The following TMEM200C variants were observed in gnomAD, a reference collection of about 807,000 sequenced individuals.
The protein encoded by TMEM200C is transmembrane protein TTMA.
For synonymous variants in TMEM200C, 462 were observed against 324.7 expected, an observed-to-expected ratio of 1.42 and a Z score of -4.55; for missense variants, 966 against 699.9, an observed-to-expected ratio of 1.38 and a Z score of -4.29.
Position 5,890,617 on chromosome 18 carries a change from A to C in TMEM200C, c.1447T>G (p.Ser483Ala), listed in dbSNP as rs1353028044. 2.9e-6 allele frequency: 3 copies of C among 1,030,554 alleles called. No individual in the cohort carries two copies. In the African/African-American group the frequency reaches 5.0e-5, roughly 17 times the overall value. The allele number at this position is 1,030,554 out of a possible 1,614,324, so 63.8% of individuals were successfully genotyped here. A position where few individuals can be genotyped will look rare whatever the true frequency, so the allele number is the denominator to read the frequency against. ...CCCGGGGAGGGCGGGGGCTCGGGGG[A>C]CGGCGGCGCCCGGTAGTCCGGGAGC... Residue 483 changes from serine to alanine, a missense_variant, in exon 3 of 3, where the codon TCC becomes GCC. Physicochemically the swap from Ser to Ala is moderately conservative, Grantham distance 99 (BLOSUM62 1). Transcript: ENST00000581347.
Position 5,894,724 on chromosome 18 carries a change from G to A in TMEM200C, c.-95+306C>T, listed in dbSNP as rs532107807. 2.2e-4 allele frequency among the ~76,000 whole-genome samples: 34 copies of A among 152,322 alleles called. No individual in the cohort carries two copies. In the East Asian group the frequency reaches 6.2e-3, roughly 28 times the overall value. ...TCGACCCCGGCCCCTCACTGGCAGGGCGGCGACCCCCTGGCCCCTGGCTTT... is the reference window on the plus strand; with the variant it reads ...TCGACCCCGGCCCCTCACTGGCAGGACGGCGACCCCCTGGCCCCTGGCTTT... On this transcript the variant is annotated intron_variant, in intron 2 of 2. Coordinates refer to ENST00000581347, the Ensembl canonical transcript of TMEM200C.
At position 5,891,142 on chromosome 18, in the gene TMEM200C, A is replaced by T; in HGVS notation, c.922T>A (p.Ser308Thr). ...GGGGGCTCCCGCGGACAGCGCGGGG[A>T]AGAGGCCAGGTCCGGCGGGGACGCG... The change falls in exon 3 of 3, where the codon TCC becomes ACC. Residue 308 changes from serine to threonine, a missense_variant. Transcript: ENST00000581347. The surrounding 1 kb of genome is among the most constrained non-coding windows in gnomAD (Gnocchi z 4.7). The T allele has an allele frequency of 2.0e-6, 1 of 501,528 alleles. No individual in the cohort carries two copies. Among genetic ancestry groups the T allele is most frequent in the Non-Finnish European group, 3.2e-6 (1 of 309,412 alleles). 31.1% of individuals were successfully genotyped at this position (501,528 alleles called of 1,614,324 possible). A position where few individuals can be genotyped will look rare whatever the true frequency, so the allele number is the denominator to read the frequency against.
At chr18:5,895,649 G>T (rs1197339866) in intron 1 of TMEM200C, among the ~76,000 whole-genome samples, 127 bp from the exon 1 acceptor site, 6 of 141,260 alleles carry the variant, frequency 4.2e-5, no homozygotes, top group Non-Finnish European at 7.7e-5. Flanking sequence ...GTCCTCCGCC[G>T]CCCGCCGCCC....
In TMEM200C at chr18:5,891,357, G is replaced by T. The variant is rs1194355088; in HGVS notation, c.707C>A (p.Ala236Asp). The T allele has an allele frequency of 1.5e-6, 2 of 1,339,146 alleles. No homozygotes were observed. The highest frequency in any genetic ancestry group is 1.9e-6 in the Non-Finnish European group (2 of 1,048,966). 83.0% of individuals were successfully genotyped at this position (1,339,146 alleles called of 1,614,324 possible). ...GGCCCCGGGGGGCGCCGCGGCGGGG[G>T]CAGACGACGACGAAGAGGCGGCGGC... Residue 236 changes from alanine (A) to aspartate (D), a missense_variant, in exon 3 of 3, where the codon GCC becomes GAC. Transcript: ENST00000581347. The surrounding 1 kb of genome is among the most constrained non-coding windows in gnomAD (Gnocchi z 4.7).
At chr18:5,890,992 G>A (rs1384823069) in exon 3 of TMEM200C, 3 of 651,548 alleles carry the variant, frequency 4.6e-6, no homozygotes, top group South Asian at 3.2e-5. Flanking sequence ...CTCTCGGGTG[G>A]GCTGCAGGGC....
At position 5,891,538 on chromosome 18, in the gene TMEM200C, C is replaced by A. The variant is rs1205539616; in HGVS notation, c.526G>T (p.Gly176Cys). The change falls in exon 3 of 3, where the codon GGC becomes TGC. Residue 176 changes from glycine (G) to cysteine (C), a missense_variant. Coordinates refer to ENST00000581347, the Ensembl canonical transcript of TMEM200C. The surrounding 1 kb of genome is among the most constrained non-coding windows in gnomAD (Gnocchi z 4.7). The stretch of plus-strand genomic sequence containing the variant: ...TTTGCGCAGATGAAGAGGAAGATGC[C>A]GATGCCCATGATGAGGGGCCCGAAG... 7.4e-6 allele frequency: 12 copies of A among 1,613,392 alleles called. No homozygotes were observed. Among genetic ancestry groups the A allele is most frequent in the Non-Finnish European group, 1.0e-5 (12 of 1,179,742 alleles).
At position 5,891,147 on chromosome 18, in the gene TMEM200C, G is replaced by A. The variant is rs2095170418; in HGVS notation, c.917C>T (p.Ala306Val). The change falls in exon 3 of 3, where the codon GCC becomes GTC. Residue 306 changes from alanine (A) to valine (V), a missense_variant. Coordinates refer to ENST00000581347, the Ensembl canonical transcript of TMEM200C. This position sits in a 1 kb window ranked among gnomAD's most constrained non-coding sequence, Gnocchi z 4.7. ...CTCCCGCGGACAGCGCGGGGAAGAG[G>A]CCAGGTCCGGCGGGGACGCGGCGCC... The A allele has an allele frequency of 2.0e-6, 1 of 499,768 alleles. No homozygotes were observed. The highest frequency in any genetic ancestry group is 5.6e-4 in the Middle Eastern group (1 of 1,784). 31.0% of individuals were successfully genotyped at this position (499,768 alleles called of 1,614,324 possible). A position where few individuals can be genotyped will look rare whatever the true frequency, so the allele number is the denominator to read the frequency against.
chr18:5,886,791 C>T (rs1035520397), exon 3 of TMEM200C: 1 of 148,264 alleles, frequency 6.7e-6, no homozygotes, highest in East Asian at 1.9e-4. Flanking sequence ...TGTTATATAA[C>T]CCCCTAAGTC....
chr18:5,895,143 G>A (rs200105592), exon 2 of TMEM200C: 1 of 152,110 alleles, frequency 6.6e-6, no homozygotes, highest in Non-Finnish European at 1.5e-5. Flanking sequence ...ACAGCGCCCC[G>A]GGGCCCCGCA....
exon 3 of TMEM200C, chr18:5,882,266 T>C (rs139288004): frequency 6.6e-6 from 1 of 152,290 alleles, no homozygotes; most frequent in East Asian, 1.9e-4. Flanking sequence ...TATAATTTGG[T>C]ACTTCCATTG....
At chr18:5,890,424 G>A (rs2095168999) in exon 3 of TMEM200C, 2 of 1,573,348 alleles carry the variant, frequency 1.3e-6, no homozygotes, top group South Asian at 1.2e-5. Context: ...GACCGACTCG[G>A]TGGAGGTGCC....
At chr18:5,882,440 A>C (rs2095162470) in exon 3 of TMEM200C, 1 of 152,154 alleles carries the variant, frequency 6.6e-6, no homozygotes, top group African/African-American at 2.4e-5. Flanking sequence ...AAATCTTGGA[A>C]AGCATTCACC....
At position 5,891,269 on chromosome 18, in the gene TMEM200C, G is replaced by GC; in HGVS notation, c.794dup (p.Cys266LeufsTer83). 7.1e-7 allele frequency: 1 copy of GC among 1,408,228 alleles called. No homozygotes were observed. The highest frequency in any genetic ancestry group is 1.5e-5 in the South Asian group (1 of 67,672). 87.2% of individuals were successfully genotyped at this position (1,408,228 alleles called of 1,614,324 possible). ...CGAAGGCGTCCCCGGAGCCACCGCA[G>GC]CCCCCGGGCTTCAGCTCCAGGCCCC... is the stretch of plus-strand genomic sequence containing the variant. On this transcript the variant is annotated frameshift_variant, in exon 3 of 3. Transcript: ENST00000581347. LOFTEE classifies it low-confidence loss of function (END_TRUNC). The surrounding 1 kb of genome is among the most constrained non-coding windows in gnomAD (Gnocchi z 4.7).
At chr18:5,894,146 T>G (rs770354336) in intron 2 of TMEM200C, among the ~76,000 whole-genome samples, 2 of 152,030 alleles carry the variant, frequency 1.3e-5, no homozygotes, top group Non-Finnish European at 2.9e-5. Flanking sequence ...CATGTTTTGT[T>G]GGGCATTGAT....
Position 5,891,133 on chromosome 18 carries a change from A to C in TMEM200C, c.931T>G (p.Cys311Gly). The change falls in exon 3 of 3, where the codon TGT becomes GGT. Residue 311 changes from cysteine (C) to glycine (G), a missense_variant. Cys to Gly is a radical substitution (Grantham distance 159). Coordinates refer to ENST00000581347, the Ensembl canonical transcript of TMEM200C. The surrounding 1 kb of genome is among the most constrained non-coding windows in gnomAD (Gnocchi z 4.7). ...GCCAGGCTCGGGGGCTCCCGCGGACAGCGCGGGGAAGAGGCCAGGTCCGGC... is the reference window on the plus strand; with the variant it reads ...GCCAGGCTCGGGGGCTCCCGCGGACCGCGCGGGGAAGAGGCCAGGTCCGGC... 2.1e-6 allele frequency: 1 copy of C among 487,284 alleles called. No individual in the cohort carries two copies. Among genetic ancestry groups the C allele is most frequent in the Non-Finnish European group, 3.4e-6 (1 of 295,494 alleles). 30.2% of individuals were successfully genotyped at this position (487,284 alleles called of 1,614,324 possible).
exon 3 of TMEM200C, chr18:5,887,920 A>G (rs2061740284): frequency 6.6e-6 from 1 of 152,262 alleles, no homozygotes; most frequent in Non-Finnish European, 1.5e-5. Context: ...TAAGTTAGAT[A>G]TTATCTGATA....
exon 3 of TMEM200C, chr18:5,884,405 C>A (rs1236893119): frequency 3.9e-5 from 6 of 152,220 alleles, no homozygotes; most frequent in African/African-American, 1.4e-4. Context: ...TGTATCATAA[C>A]TCTCTTGTAA....
Position 5,891,824 on chromosome 18 carries a change from C to G in TMEM200C, c.240G>C (p.Gly80=). 1 of 1,605,450 alleles carries G rather than the reference C, an allele frequency of 6.2e-7. No individual in the cohort carries two copies. Among genetic ancestry groups the G allele is most frequent in the South Asian group, 1.1e-5 (1 of 91,044 alleles). ...GCTGCTTACCCCCCTCCCGATTGGT[C>G]CCGGTGGCCTTGGGCCAGTAGCCCA... Residue 80 remains glycine, a synonymous_variant, in exon 3 of 3, where the codon GGG becomes GGC. Transcript: ENST00000581347. This position sits in a 1 kb window ranked among gnomAD's most constrained non-coding sequence, Gnocchi z 4.7.
chr18:5,884,038 T>C (rs979643297), exon 3 of TMEM200C: 1 of 152,146 alleles, frequency 6.6e-6, no homozygotes, highest in African/African-American at 2.4e-5. Flanking sequence ...TAAAAATGAA[T>C]CATTAAATAT....
Sources: allele counts gnomAD v4.1 joint callset (sites outside exome capture counted in the v4.1 genomes callset), GRCh38; gene constraint gnomAD v4.1.1; non-coding constraint Gnocchi (gnomAD v3.1); transcripts MANE v1.5; gene names NCBI Gene and HGNC (gene_info 2026-07-23, HGNC 2026-07-21).